Variants in STK3 observed in about 807,000 individuals in gnomAD.
STK3 encodes the protein serine/threonine-protein kinase 3.
STK3 carries 41 observed loss-of-function variants against 58.0 expected under a neutral mutation model. The ratio of observed to expected loss-of-function variants is 0.71; its 90% CI spans 0.55 to 0.92. The LOEUF (loss-of-function observed/expected upper bound fraction) is 0.92. STK3 is among the 40% of genes least tolerant of loss of function. The pLI, the probability that STK3 is intolerant of heterozygous loss-of-function variation, is 0.00. For synonymous variants in STK3, 170 were observed against 191.0 expected (o/e 0.89, Z 0.91); for missense variants, 479 against 602.7 (o/e 0.79, Z 2.15).
intron 10 of STK3, among the ~76,000 whole-genome samples, chr8:98,491,766 C>T (rs188721065): frequency 7.2e-5 from 11 of 152,252 alleles, no homozygotes; most frequent in African/African-American, 2.4e-4. Context: ...AGTATTAATA[C>T]AGGAAGGCTA....
chr8:98,444,473 G>A (rs1337213495), intron 1 of STK3, among the ~76,000 whole-genome samples: 1 of 152,178 alleles, frequency 6.6e-6, no homozygotes, highest in African/African-American at 2.4e-5. Flanking sequence ...CCCAGTTAAG[G>A]GGCTGCTGTG....
At chr8:98,917,328 G>GTACCA (rs143163191) in intron 1 of STK3, among the ~76,000 whole-genome samples, 206 of 152,320 alleles carry the variant, frequency 1.4e-3, no homozygotes, top group African/African-American at 4.7e-3. Context: ...AATGGCAGAT[G>GTACCA]TACCAGCATA....
At position 98,858,345 on chromosome 8, in the gene STK3, G is replaced by GAGAGAGAGAC. The variant is rs1323298952; in HGVS notation, c.110+25301_110+25302insGTCTCTCTCT. On this transcript the variant is annotated intron_variant, in intron 3 of 12. Transcript: ENST00000523601. ...ATATAGAGAGAGAGAGAGAGAGAGA[G>GAGAGAGAGAC]AGAGAGAGAGAGAGACAGAGAGAGA... Among the ~76,000 whole-genome samples, 21 of 134,654 alleles carry GAGAGAGAGAC rather than the reference G, an allele frequency of 1.6e-4. 1 individual carries two copies. The highest frequency in any genetic ancestry group is 2.7e-4 in the Non-Finnish European group (17 of 62,890). 88.3% of individuals were successfully genotyped at this position (134,654 alleles called of 152,430 possible).
At chr8:98,565,142 GT>G (rs1812371794) in intron 8 of STK3, among the ~76,000 whole-genome samples, 1 of 152,090 alleles carries the variant, frequency 6.6e-6, no homozygotes, top group Non-Finnish European at 1.5e-5. Flanking sequence ...CAACCCATAA[GT>G]CAGTGGTTCT....
Position 98,771,571 on chromosome 8 carries a change from C to CT in STK3, c.107+3167dup, listed in dbSNP as rs796245638. Among the ~76,000 whole-genome samples the CT allele has an allele frequency of 9.4e-3, 1,380 of 146,944 alleles. 11 individuals carry two copies. The highest frequency in any genetic ancestry group is 0.031 in the African/African-American group (1,235 of 40,382). ...TTTATATATACAAACATATACGTAT[C>CT]TTTTTTTTTTTGAGACAGAGTCATG... On this transcript the variant is annotated intron_variant, in intron 2 of 10. Coordinates refer to ENST00000419617, the MANE Select transcript of STK3 (RefSeq NM_006281.4).
At chr8:98,903,556 C>CTTCTTCTTCTTCCTCTTCTT (rs200556218) in intron 1 of STK3, among the ~76,000 whole-genome samples, 3 of 50,502 alleles carry the variant, frequency 5.9e-5, no homozygotes, top group African/African-American at 2.1e-4. Context: ...TCTTCTTCTT[C>CTTCTTCTTCTTCCTCTTCTT]CTTTTTTTTT....
chr8:98,743,630 C>A (rs1303039192), intron 4 of STK3, among the ~76,000 whole-genome samples: 3 of 152,264 alleles, frequency 2.0e-5, no homozygotes, highest in South Asian at 2.1e-4. Flanking sequence ...ACCATAACAA[C>A]CCTAGAAGAA....
intron 3 of STK3, among the ~76,000 whole-genome samples, chr8:98,406,280 AT>A (rs1248594967): frequency 7.9e-4 from 39 of 49,258 alleles, no homozygotes; most frequent in African/African-American, 2.4e-3. Flanking sequence ...ATTTTATTTT[AT>A]TTTATTTTAT....
intron 4 of STK3, among the ~76,000 whole-genome samples, chr8:98,732,154 C>T (rs1285080345): frequency 6.6e-6 from 1 of 151,760 alleles, no homozygotes; most frequent in African/African-American, 2.4e-5. Flanking sequence ...GGCAAAAAGA[C>T]AAAAAGAGAC....
chr8:98,572,751 A>G (rs1012219925), intron 8 of STK3, among the ~76,000 whole-genome samples: 2 of 152,218 alleles, frequency 1.3e-5, no homozygotes, highest in African/African-American at 4.8e-5. Flanking sequence ...AACAACAGAT[A>G]AAATAACCTC....
chr8:98,816,036 C>A (rs1411267481), intron 1 of STK3, among the ~76,000 whole-genome samples: 1 of 152,074 alleles, frequency 6.6e-6, no homozygotes, highest in Non-Finnish European at 1.5e-5. Context: ...GAGTCTGCTC[C>A]ATCTCTGGAT....
rs77037019 is a variant in STK3, at chr8:98,467,063, T to C, written c.1318-11063A>G. 2.0e-3 allele frequency among the ~76,000 whole-genome samples: 298 copies of C among 152,306 alleles called. No homozygotes were observed. In the Middle Eastern group the frequency reaches 0.027, roughly 14 times the overall value. On this transcript the variant is annotated intron_variant, in intron 10 of 10. Transcript: ENST00000419617. Reference sequence around the variant, plus strand: ...ATATACCTTCCAAACTTCCAGGAACTAAAGGCTCTGCCTTTAGTGGCACAC... The same window carrying C: ...ATATACCTTCCAAACTTCCAGGAACCAAAGGCTCTGCCTTTAGTGGCACAC...
intron 3 of STK3, among the ~76,000 whole-genome samples, chr8:98,412,490 A>G (rs572082555): frequency 3.3e-4 from 51 of 152,316 alleles, no homozygotes; most frequent in African/African-American, 1.2e-3. Context: ...GCTTGTATAA[A>G]CAGTTTCAAA....
At chr8:98,408,199 G>A (rs1818018424) in intron 3 of STK3, among the ~76,000 whole-genome samples, 3 of 152,148 alleles carry the variant, frequency 2.0e-5, no homozygotes, top group Admixed American at 1.3e-4. Context: ...GGAGTTGCAG[G>A]CCCAGATGAT....
intron 1 of STK3, among the ~76,000 whole-genome samples, chr8:98,809,775 T>C (rs542443995): frequency 6.6e-6 from 1 of 152,348 alleles, no homozygotes; most frequent in South Asian, 2.1e-4. Context: ...CTTTGGGCTG[T>C]TGTACATAAT....
At chr8:98,573,854 C>T (rs1813168636) in intron 8 of STK3, among the ~76,000 whole-genome samples, 1 of 151,994 alleles carries the variant, frequency 6.6e-6, no homozygotes, top group South Asian at 2.1e-4. Context: ...CACATGAAGC[C>T]TGAGGAGGCT....
intron 3 of STK3, among the ~76,000 whole-genome samples, chr8:98,405,957 A>C (rs1264734756): frequency 2.6e-5 from 4 of 152,178 alleles, no homozygotes; most frequent in Non-Finnish European, 4.4e-5. Flanking sequence ...GGAATTCAAC[A>C]TGAGATTTCG....
At chr8:98,759,648 A>G (rs1212676586) in intron 3 of STK3, among the ~76,000 whole-genome samples, 1 of 152,226 alleles carries the variant, frequency 6.6e-6, no homozygotes, top group Non-Finnish European at 1.5e-5. Flanking sequence ...ATTAAAAAAA[A>G]AAAATGCAGC....
chr8:98,863,389 T>C (rs1837005248), intron 3 of STK3, among the ~76,000 whole-genome samples: 1 of 152,202 alleles, frequency 6.6e-6, no homozygotes, highest in Non-Finnish European at 1.5e-5. Flanking sequence ...AAATGAATGA[T>C]ATTAGGCAAG....
Sources: allele counts gnomAD v4.1 joint callset (sites outside exome capture counted in the v4.1 genomes callset), GRCh38; gene constraint gnomAD v4.1.1; transcripts MANE v1.5; gene names NCBI Gene and HGNC (gene_info 2026-07-23, HGNC 2026-07-21).